The following APAF1 variants were observed in gnomAD, a reference collection of about 807,000 sequenced individuals.
The protein encoded by APAF1 is apoptotic peptidase activating factor 1.
A neutral mutation model predicts 152.4 loss-of-function variants in APAF1; 91 were observed. The observed-to-expected ratio is 0.60, with a 90% CI of 0.50 to 0.71. The LOEUF is 0.71. Ranked by LOEUF, APAF1 falls within the 30% of genes least tolerant of loss-of-function variation. The pLI is 0.00. For synonymous variants in APAF1, 484 were observed against 494.1 expected (o/e 0.98, Z 0.27); for missense variants, 1,283 against 1,472.0 (o/e 0.87, Z 2.10).
intron 16 of APAF1, among the ~76,000 whole-genome samples, chr12:98,696,456 G>C (rs2097709993): frequency 6.6e-6 from 1 of 152,182 alleles, no homozygotes; most frequent in Admixed American, 6.5e-5. Flanking sequence ...CCATGACCCA[G>C]ACACCTCCTA....
intron 21 of APAF1, among the ~76,000 whole-genome samples, chr12:98,713,901 T>C (rs1247271714): frequency 6.6e-6 from 1 of 152,238 alleles, no homozygotes; most frequent in Non-Finnish European, 1.5e-5. Context: ...AATACTCTTA[T>C]ATATTTGTCA....
At chr12:98,658,270 A>G (rs1235675591) in intron 4 of APAF1, among the ~76,000 whole-genome samples, 1 of 152,222 alleles carries the variant, frequency 6.6e-6, no homozygotes, top group Non-Finnish European at 1.5e-5. Context: ...ATAAAAATAC[A>G]TATTTCAAGA....
In APAF1 at chr12:98,733,104, A is replaced by G. The variant is rs1210246325; in HGVS notation, c.*538A>G. On this transcript the variant is annotated 3_prime_UTR_variant, in exon 27 of 27. Transcript: ENST00000551964. ...CAGCATTTCCTTTAATTGACTCAAT[A>G]AGTGAGTCTTGGATTTAGCAGGCCC... The G allele has an allele frequency of 6.5e-6, 1 of 153,710 alleles. No homozygotes were observed. Among genetic ancestry groups the G allele is most frequent in the Non-Finnish European group, 1.4e-5 (1 of 69,362 alleles). 9.5% of individuals were successfully genotyped at this position (153,710 alleles called of 1,614,324 possible). A position where few individuals can be genotyped will look rare whatever the true frequency, so the allele number is the denominator to read the frequency against.
Position 98,708,603 on chromosome 12 carries a change from G to T in APAF1, c.2740G>T (p.Val914Leu). The T allele has an allele frequency of 6.2e-7, 1 of 1,613,432 alleles. No homozygotes were observed. The highest frequency in any genetic ancestry group is 1.3e-5 in the African/African-American group (1 of 75,040). ...TAATCAGCTCTGGGAGACAAAGAAA[G>T]TATGTAAGAACTCTGCTGTAATGTT... ...QTIRLWETKK[V>L]CKNSAVMLKQ... Residue 914 changes from valine to leucine, a missense_variant, in exon 20 of 27, where the codon GTA becomes TTA. Transcript: ENST00000551964.
At position 98,703,392 on chromosome 12, in the gene APAF1, G is replaced by A; in HGVS notation, c.2488G>A (p.Gly830Ser). 6 of 1,614,024 alleles carry A rather than the reference G, an allele frequency of 3.7e-6. No individual in the cohort carries two copies. Among genetic ancestry groups the A allele is most frequent in the Non-Finnish European group, 5.1e-6 (6 of 1,179,968 alleles). Residue 830 changes from glycine (G) to serine (S), a missense_variant, in exon 18 of 27, where the codon GGC (glycine) becomes AGC (serine). Physicochemically the swap from Gly to Ser is moderately conservative, Grantham distance 56. Transcript: ENST00000551964. The part of the protein sequence containing the change: ...KIFLFDIHTS[G>S]LLGEIHTGHH... The stretch of plus-strand genomic sequence containing the variant: ...ACAGCTTTTTGACATTCATACTAGT[G>A]GCCTATTGGGAGAAATCCACACGGG...
chr12:98,688,046 A>T (rs1048466105), intron 16 of APAF1, among the ~76,000 whole-genome samples: 4 of 152,016 alleles, frequency 2.6e-5, no homozygotes, highest in African/African-American at 9.7e-5. Context: ...TTTTACTTAT[A>T]ATTTATTCAT....
chr12:98,717,902 G>C (rs926872610), intron 22 of APAF1, among the ~76,000 whole-genome samples: 2 of 152,152 alleles, frequency 1.3e-5, no homozygotes, highest in African/African-American at 4.8e-5. Flanking sequence ...ACTTTGTTGT[G>C]AGTATCTTCA....
chr12:98,653,053 T>A (rs1189095337), intron 4 of APAF1, among the ~76,000 whole-genome samples: 1 of 152,052 alleles, frequency 6.6e-6, no homozygotes, highest in African/African-American at 2.4e-5. Flanking sequence ...CTAACTTGTG[T>A]TTCCTGAGTT....
At chr12:98,691,799 C>T (rs2097704508) in intron 16 of APAF1, among the ~76,000 whole-genome samples, 1 of 151,930 alleles carries the variant, frequency 6.6e-6, no homozygotes, top group African/African-American at 2.4e-5. Context: ...TCTCTGATCC[C>T]TTCATTAACT....
chr12:98,719,079 G>T (rs977937823), intron 22 of APAF1, among the ~76,000 whole-genome samples: 1 of 152,128 alleles, frequency 6.6e-6, no homozygotes, highest in Non-Finnish European at 1.5e-5. Context: ...TCACTGTAGG[G>T]TTGTTCTGGT....
chr12:98,666,382 T>A (rs982759426), intron 9 of APAF1, 25 bp downstream of exon 9: 1 of 1,603,222 alleles, frequency 6.2e-7, no homozygotes, highest in African/African-American at 1.3e-5. Context: ...GTTTACTTTT[T>A]TTTTTCCTTT....
intron 1 of APAF1, among the ~76,000 whole-genome samples, chr12:98,647,464 C>G (rs1236192122): frequency 6.6e-6 from 1 of 151,966 alleles, no homozygotes; most frequent in East Asian, 1.9e-4. Context: ...CCTCTGCCGC[C>G]CTGGTTCAAG....
intron 10 of APAF1, 21 bp downstream of exon 10, chr12:98,667,665 A>T: frequency 6.2e-7 from 1 of 1,611,318 alleles, no homozygotes; most frequent in Non-Finnish European, 8.5e-7. Flanking sequence ...CCATTTAAAA[A>T]TTCTTTTATC....
intron 22 of APAF1, 127 bp downstream of exon 22, chr12:98,715,679 T>A: frequency 9.5e-7 from 1 of 1,053,098 alleles, no homozygotes; most frequent in Non-Finnish European, 1.4e-6. Flanking sequence ...ATTATGTACA[T>A]GGGCTTAGAT....
intron 19 of APAF1, among the ~76,000 whole-genome samples, chr12:98,707,986 G>T (rs1270214891): frequency 6.6e-6 from 1 of 152,036 alleles, no homozygotes; most frequent in African/African-American, 2.4e-5. Flanking sequence ...TCGCTCTGTC[G>T]CCCAGGCTGG....
rs1018985660 is a variant in APAF1, at chr12:98,695,255, GT to G, written c.2305-4151del. Among the ~76,000 whole-genome samples the G allele has an allele frequency of 1.7e-3, 256 of 152,060 alleles. 1 individual carries two copies. Among genetic ancestry groups the G allele is most frequent in the African/African-American group, 5.7e-3 (236 of 41,474 alleles). On this transcript the variant is annotated intron_variant, in intron 16 of 26. Transcript: ENST00000551964. ...TTTAGTAGAGACGGGATTTCACCAT[GT>G]TGGCCAGGCTGGTCTTGAACTTCTG... is the stretch of plus-strand genomic sequence containing the variant.
In APAF1 at chr12:98,666,341, A is replaced by C. The variant is rs1022878589; in HGVS notation, c.1346A>C (p.Asn449Thr). The stretch of plus-strand genomic sequence containing the variant: ...CAAGTAGATTTTCTTACAGAGAAGA[A>C]TTGCAGCCAGCTTCAGGTACTTGCA... ...DLQVDFLTEK[N>T]CSQLQDLHKK... Residue 449 changes from asparagine to threonine, a missense_variant, in exon 9 of 27, where the codon AAT becomes ACT. By Grantham distance (65) the Asn-to-Thr change is moderately conservative (BLOSUM62 0). Coordinates refer to ENST00000551964, the MANE Select transcript of APAF1 (RefSeq NM_181861.2). 6.2e-7 allele frequency: 1 copy of C among 1,612,852 alleles called. No individual in the cohort carries two copies. The highest frequency in any genetic ancestry group is 8.5e-7 in the Non-Finnish European group (1 of 1,179,690).
intron 17 of APAF1, among the ~76,000 whole-genome samples, chr12:98,702,312 G>A (rs1206589437): frequency 2.0e-5 from 3 of 151,916 alleles, no homozygotes; most frequent in Non-Finnish European, 2.9e-5. Context: ...TGATCCACCT[G>A]CCTTGGCCTC....
At chr12:98,686,923 A>G in intron 16 of APAF1, 50 bp downstream of exon 16, 2 of 1,576,716 alleles carry the variant, frequency 1.3e-6, no homozygotes, top group Non-Finnish European at 8.7e-7. Context: ...GGAAAGTCTT[A>G]TGATTTGATT....
Sources: gnomAD v4.1 joint callset for allele counts (sites outside exome capture counted in the v4.1 genomes callset) on GRCh38, gnomAD v4.1.1 for gene constraint, MANE v1.5 for transcripts, NCBI Gene and HGNC (gene_info 2026-07-23, HGNC 2026-07-21) for gene names.